Variants in ESPL1 observed in about 807,000 individuals in gnomAD.
ESPL1 encodes the protein separin.
ESPL1 carries 50 observed loss-of-function variants against 217.2 expected under a neutral mutation model. The ratio of observed to expected loss-of-function variants is 0.23; its 90% CI spans 0.18 to 0.29. ESPL1 has a LOEUF of 0.29. ESPL1 is among the 10% of genes least tolerant of loss of function. ESPL1 has a pLI of 1.00. For missense variants in ESPL1, 1,834 were observed against 2,603.0 expected (o/e 0.70, Z 6.43); for synonymous variants, 994 against 1,081.3 (o/e 0.92, Z 1.58).
chr12:53,289,420 C>A lies in ESPL1; in HGVS notation c.4939C>A (p.Arg1647=). The A allele has an allele frequency of 6.2e-7, 1 of 1,613,770 alleles. No individual in the cohort carries two copies. Among genetic ancestry groups the A allele is most frequent in the Non-Finnish European group, 8.5e-7 (1 of 1,179,956 alleles). Residue 1647 remains arginine, a synonymous_variant, in exon 22 of 31, where the codon CGA becomes AGA. Transcript: ENST00000257934. ...HRQLSKAQKH[R]GSLEIADQLQ... is the part of the protein sequence containing the mutation. ...TGCTTGCAGCAAGGCCCAGAAGCAC[C>A]GAGGATCACTTGAAATAGCAGACCA...
Position 53,292,570 on chromosome 12 carries a change from G to A in ESPL1, c.5913-4G>A. On this transcript the variant is annotated splice_region_variant and splice_polypyrimidine_tract_variant and intron_variant, in intron 28 of 30. Coordinates refer to ENST00000257934, the MANE Select transcript of ESPL1 (RefSeq NM_012291.5). The surrounding 1 kb of genome is among the most constrained non-coding windows in gnomAD (Gnocchi z 4.5). Reference sequence around the variant, plus strand: ...CTATTCTCACACCTGCCTTTTCCCTGCAGTGAAGCTGGCTGGAGAGGAGTG... The same window carrying A: ...CTATTCTCACACCTGCCTTTTCCCTACAGTGAAGCTGGCTGGAGAGGAGTG... 3 of 1,611,174 alleles carry A rather than the reference G, an allele frequency of 1.9e-6. No individual in the cohort carries two copies. The highest frequency in any genetic ancestry group is 2.5e-6 in the Non-Finnish European group (3 of 1,179,492).
intron 6 of ESPL1, 37 bp downstream of exon 6, chr12:53,272,894 G>A: frequency 6.2e-7 from 1 of 1,609,434 alleles, no homozygotes; most frequent in Non-Finnish European, 8.5e-7. Flanking sequence ...AGGAGCTTAT[G>A]TGGTTGGGGA....
intron 20 of ESPL1, 117 bp downstream of exon 20, chr12:53,288,816 G>T: frequency 1.1e-6 from 1 of 901,222 alleles, no homozygotes; most frequent in Non-Finnish European, 1.6e-6. Flanking sequence ...CTGAACCTGT[G>T]TTTGAACCCC....
chr12:53,290,249 A>G (rs1328107572), intron 23 of ESPL1, 37 bp downstream of exon 23: 2 of 1,612,530 alleles, frequency 1.2e-6, no homozygotes, highest in East Asian at 2.2e-5. Context: ...GTTGGGCTGG[A>G]TTGGGCTTCG....
rs544786691 is a variant in ESPL1, at chr12:53,269,160, G to A, written c.218G>A (p.Ser73Asn). ...AKLACPRHLG[S>N]LLELAELACD... is the part of the protein sequence containing the mutation. ...CTAGCTTGCCCTAGGCATCTGGGGAGCCTGCTGGAGCTGGCAGAGCTGGCC... is the reference window on the plus strand; with the variant it reads ...CTAGCTTGCCCTAGGCATCTGGGGAACCTGCTGGAGCTGGCAGAGCTGGCC... Residue 73 changes from serine to asparagine, a missense_variant, in exon 3 of 31, where the codon AGC becomes AAC. Transcript: ENST00000257934. This position sits in a 1 kb window ranked among gnomAD's most constrained non-coding sequence, Gnocchi z 6.7. 33 of 1,614,234 alleles carry A rather than the reference G, an allele frequency of 2.0e-5. No homozygotes were observed. In the South Asian group the frequency reaches 3.4e-4, roughly 17 times the overall value.
chr12:53,269,446 G>C lies in ESPL1; in HGVS notation c.504G>C (p.Arg168=). The change falls in exon 3 of 31, where the codon CGG becomes CGC. Residue 168 remains arginine, a synonymous_variant. Coordinates refer to ENST00000257934, the MANE Select transcript of ESPL1 (RefSeq NM_012291.5). This position sits in a 1 kb window ranked among gnomAD's most constrained non-coding sequence, Gnocchi z 6.7. ...AACGGCGAGCTGCATTTGCAGCTCG[G>C]CTGAAGGCCTTGAGCTTCCTAGTAC... ...LLERRAAFAA[R]LKALSFLVLL... is the part of the protein sequence containing the mutation. 6.2e-7 allele frequency: 1 copy of C among 1,614,138 alleles called. No homozygotes were observed. Among genetic ancestry groups the C allele is most frequent in the South Asian group, 1.1e-5 (1 of 91,088 alleles).
chr12:53,289,538 A>G lies in ESPL1; in HGVS notation c.5057A>G (p.His1686Arg). Reference protein sequence around the residue: ...LFSFRALESGHFPQPEKESFQ... With the variant: ...LFSFRALESGRFPQPEKESFQ... The stretch of plus-strand genomic sequence containing the variant: ...TCCTTCAGGGCTTTGGAATCTGGCC[A>G]CTTCCCCCAGCCTGAAAAGGAGAGT... The change falls in exon 22 of 31, where the codon CAC (histidine) becomes CGC (arginine). Residue 1686 changes from histidine to arginine, a missense_variant. Physicochemically the swap from His to Arg is conservative, Grantham distance 29. Around this residue, in one of 5 missense-constraint regions of ESPL1, gnomAD observed 681 missense variants for 808.0 expected, o/e 0.84. Transcript: ENST00000257934. 6.2e-7 allele frequency: 1 copy of G among 1,614,100 alleles called. No homozygotes were observed.
Position 53,293,559 on chromosome 12 carries a change from T to C in ESPL1, c.*85T>C. 9.8e-7 allele frequency: 1 copy of C among 1,022,706 alleles called. No individual in the cohort carries two copies. Among genetic ancestry groups the C allele is most frequent in the Non-Finnish European group, 1.5e-6 (1 of 669,700 alleles). 63.4% of individuals were successfully genotyped at this position (1,022,706 alleles called of 1,614,324 possible). A position where few individuals can be genotyped will look rare whatever the true frequency, so the allele number is the denominator to read the frequency against. On this transcript the variant is annotated 3_prime_UTR_variant, in exon 31 of 31. Transcript: ENST00000257934. The surrounding 1 kb of genome is among the most constrained non-coding windows in gnomAD (Gnocchi z 4.2). ...GATTTAATCCTTAGGATAACTCTTT[T>C]AAAGTGATTTTCCCCAGTGTTTTAT... is the stretch of plus-strand genomic sequence containing the variant.
Position 53,274,904 on chromosome 12 carries a change from G to T in ESPL1, c.1594G>T (p.Ala532Ser), listed in dbSNP as rs1265503859. The T allele has an allele frequency of 6.2e-7, 1 of 1,612,990 alleles. No individual in the cohort carries two copies. The highest frequency in any genetic ancestry group is 1.7e-5 in the Admixed American group (1 of 59,836). Reference sequence around the variant, plus strand: ...CTGCAAGATGGTGATTTTGTGGCTGGCAGCCCTGCAACCCTGTAGCCCTGA... The same window carrying T: ...CTGCAAGATGGTGATTTTGTGGCTGTCAGCCCTGCAACCCTGTAGCCCTGA... Reference protein sequence around the residue: ...QGCKMVILWLAALQPCSPEHM... With the variant: ...QGCKMVILWLSALQPCSPEHM... The change falls in exon 7 of 31, where the codon GCA (alanine) becomes TCA (serine). Residue 532 changes from alanine (A) to serine (S), a missense_variant. Around this residue, in one of 5 missense-constraint regions of ESPL1, gnomAD observed 746 missense variants for 1,077.0 expected, o/e 0.69. Transcript: ENST00000257934.
At chr12:53,271,437 G>T (rs1177675280) in intron 5 of ESPL1, among the ~76,000 whole-genome samples, 1 of 151,936 alleles carries the variant, frequency 6.6e-6, no homozygotes, top group Non-Finnish European at 1.5e-5. Context: ...GTCCAGGCTG[G>T]TCTTGAACTC....
rs756350037 is a variant in ESPL1, at chr12:53,276,806, G to T, written c.1887G>T (p.Leu629=). 2 of 1,613,814 alleles carry T rather than the reference G, an allele frequency of 1.2e-6. No individual in the cohort carries two copies. The highest frequency in any genetic ancestry group is 1.3e-5 in the African/African-American group (1 of 74,944). ...GGGCCTGGGCACGAGCCACCCACCT[G>T]GTAGAACTGGCTCAGGTGCTCTGCT... The part of the protein sequence containing the change: ...PAGAWARATH[L]VELAQVLCYH... Residue 629 remains leucine (L), a synonymous_variant, in exon 8 of 31, where the codon CTG becomes CTT. Transcript: ENST00000257934.
intron 25 of ESPL1, among the ~76,000 whole-genome samples, chr12:53,291,381 A>G (rs745908808): frequency 3.3e-5 from 5 of 151,956 alleles, no homozygotes; most frequent in Non-Finnish European, 5.9e-5. Context: ...TCACAAGGTC[A>G]AGAGGTGAAG....
Position 53,293,616 on chromosome 12 carries a change from A to G in ESPL1, c.*142A>G, listed in dbSNP as rs1944101569. On this transcript the variant is annotated 3_prime_UTR_variant, in exon 31 of 31. Transcript: ENST00000257934. This position sits in a 1 kb window ranked among gnomAD's most constrained non-coding sequence, Gnocchi z 4.2. ...CATTTCCTTTTGATTTAACCTCAGT[A>G]TAATAAAGATACATCATTTAAACCC... 1 of 648,756 alleles carries G rather than the reference A, an allele frequency of 1.5e-6. No individual in the cohort carries two copies. The highest frequency in any genetic ancestry group is 1.9e-5 in the South Asian group (1 of 52,096). 40.2% of individuals were successfully genotyped at this position (648,756 alleles called of 1,614,324 possible).
At position 53,283,198 on chromosome 12, in the gene ESPL1, T is replaced by C; in HGVS notation, c.2861T>C (p.Met954Thr). The change falls in exon 15 of 31, where the codon ATG becomes ACG. Residue 954 changes from methionine to threonine, a missense_variant. Physicochemically the swap from Met to Thr is moderately conservative, Grantham distance 81 (BLOSUM62 -1). Transcript: ENST00000257934. ...CTCCGAAGCATCATCCTCCTGCTGA[T>C]GGGCAGTGACATTCTCTCAACTCAG... ...KLLRSIILLL[M>T]GSDILSTQKA... The C allele has an allele frequency of 6.2e-7, 1 of 1,614,216 alleles. No individual in the cohort carries two copies. Among genetic ancestry groups the C allele is most frequent in the Non-Finnish European group, 8.5e-7 (1 of 1,180,028 alleles).
rs766952998 is a variant in ESPL1, at chr12:53,288,047, C to T, written c.4252C>T (p.Arg1418Trp). The T allele has an allele frequency of 3.8e-5, 61 of 1,613,386 alleles. No homozygotes were observed. The highest frequency in any genetic ancestry group is 8.0e-5 in the African/African-American group (6 of 74,942). Residue 1418 changes from arginine (R) to tryptophan (W), a missense_variant, in exon 19 of 31, where the codon CGG becomes TGG. This residue lies in a region of ESPL1 where 681 missense variants were observed against 808.0 expected (regional missense o/e 0.84). Coordinates refer to ENST00000257934, the MANE Select transcript of ESPL1 (RefSeq NM_012291.5). ...CTGGCTGGCAGAGGAGCCTAAGAGACGGGGCACTGCTTCCCGGGGCCGGGG... is the reference window on the plus strand; with the variant it reads ...CTGGCTGGCAGAGGAGCCTAAGAGATGGGGCACTGCTTCCCGGGGCCGGGG... ...EAWLAEEPKR[R>W]GTASRGRGRA...
In ESPL1 at chr12:53,286,547, A is replaced by C; in HGVS notation, c.3811A>C (p.Ile1271Leu). The C allele has an allele frequency of 6.2e-7, 1 of 1,614,112 alleles. No individual in the cohort carries two copies. The highest frequency in any genetic ancestry group is 8.5e-7 in the Non-Finnish European group (1 of 1,180,022). ...LEPWRASLLL[I>L]WALTKLGGLS... ...GCCCTGGCGAGCCAGCCTGCTCTTGATTTGGGCCCTCACAAAACTAGGTGG... is the reference window on the plus strand; with the variant it reads ...GCCCTGGCGAGCCAGCCTGCTCTTGCTTTGGGCCCTCACAAAACTAGGTGG... Residue 1271 changes from isoleucine to leucine, a missense_variant, in exon 18 of 31, where the codon ATT becomes CTT. Physicochemically the swap from Ile to Leu is conservative, Grantham distance 5. Coordinates refer to ENST00000257934, the MANE Select transcript of ESPL1 (RefSeq NM_012291.5). The surrounding 1 kb of genome is among the most constrained non-coding windows in gnomAD (Gnocchi z 5.3).
At chr12:53,271,471 C>T (rs779648642) in intron 5 of ESPL1, among the ~76,000 whole-genome samples, 1 of 152,016 alleles carries the variant, frequency 6.6e-6, no homozygotes, top group Admixed American at 6.6e-5. Context: ...ATCTGCCCAC[C>T]TTGGCTTCCC....
At chr12:53,277,784 A>G (rs200339407) in intron 10 of ESPL1, 37 bp from the exon 11 acceptor site, 642 of 1,609,364 alleles carry the variant, frequency 4.0e-4, no homozygotes, top group Non-Finnish European at 4.8e-4. Flanking sequence ...CAGATGGCCC[A>G]TGCTGAGACA....
intron 19 of ESPL1, 36 bp from the exon 20 acceptor site, chr12:53,288,502 A>C: frequency 6.3e-7 from 1 of 1,579,920 alleles, no homozygotes; most frequent in Non-Finnish European, 8.6e-7. Context: ...TGGCAGGGGG[A>C]GGGAGCACTG....
Sources: gnomAD v4.1 joint callset for allele counts (sites outside exome capture counted in the v4.1 genomes callset) on GRCh38, gnomAD v4.1.1 for gene constraint, gnomAD v4.1.1 regional missense constraint, Gnocchi (gnomAD v3.1) non-coding constraint, MANE v1.5 for transcripts, NCBI Gene and HGNC (gene_info 2026-07-23, HGNC 2026-07-21) for gene names.